Variants in ZDHHC20 observed in about 807,000 individuals in gnomAD.
ZDHHC20 encodes zDHHC palmitoyltransferase 20.
Under a neutral mutation model 57.8 loss-of-function variants are expected in ZDHHC20, and 43 were observed. The observed-to-expected ratio is 0.74, with a 90% CI of 0.58 to 0.96. The LOEUF (loss-of-function observed/expected upper bound fraction) is 0.96. ZDHHC20 is among the 40% of genes least tolerant of loss of function. The pLI is 0.00. For missense variants in ZDHHC20, 391 were observed against 441.1 expected, an observed-to-expected ratio of 0.89 and a Z score of 1.02; for synonymous variants, 157 against 153.0, an observed-to-expected ratio of 1.03 and a Z score of -0.19.
chr13:21,455,067 C>A (rs1211507959), intron 1 of ZDHHC20, among the ~76,000 whole-genome samples: 2 of 152,094 alleles, frequency 1.3e-5, no homozygotes, highest in African/African-American at 4.8e-5. Flanking sequence ...ACTACAGGCA[C>A]CCGCCACCAC....
In ZDHHC20 at chr13:21,421,184, A is replaced by G. The variant is rs1418232864; in HGVS notation, c.146-20T>C. The stretch of plus-strand genomic sequence containing the variant: ...TCTTTCCTGGTAAATAAAAACAAAT[A>G]ACAGTTCATTGAATCCAGGTGAAAA... On this transcript the variant is annotated intron_variant, in intron 2 of 12. Coordinates refer to ENST00000400590, the MANE Select transcript of ZDHHC20 (RefSeq NM_001330059.2). 3.1e-6 allele frequency: 5 copies of G among 1,599,578 alleles called. No homozygotes were observed. Among genetic ancestry groups the G allele is most frequent in the Non-Finnish European group, 4.3e-6 (5 of 1,168,710 alleles).
At chr13:21,410,331 C>T (rs1879034003) in intron 4 of ZDHHC20, among the ~76,000 whole-genome samples, 1 of 152,188 alleles carries the variant, frequency 6.6e-6, no homozygotes, top group African/African-American at 2.4e-5. Context: ...AGTCAGGAGG[C>T]ATGGGGGTCA....
intron 3 of ZDHHC20, among the ~76,000 whole-genome samples, chr13:21,418,977 T>A (rs1880333514): frequency 6.6e-6 from 1 of 152,210 alleles, no homozygotes. Flanking sequence ...ACGCCTGGCC[T>A]GCATTCTTAA....
At chr13:21,397,323 T>C (rs1156982460) in intron 7 of ZDHHC20, among the ~76,000 whole-genome samples, 1 of 146,030 alleles carries the variant, frequency 6.8e-6, no homozygotes, top group Non-Finnish European at 1.5e-5. Flanking sequence ...CTAAACTGCA[T>C]CTCAAAAAAA....
chr13:21,382,961 T>G lies in ZDHHC20; in HGVS notation c.903A>C (p.Pro301=), dbSNP rs1219741151. ...TCTGGTTTGTAACAGAAGCTTGTTC[T>G]GGATCCATCCCCACAAGGCGAGTTG... ...SFPTRLVGMD[P]EQASVTNQNE... is the part of the protein sequence containing the mutation. The change falls in exon 10 of 13, where the codon CCA becomes CCC. Residue 301 remains proline (P), a synonymous_variant. Coordinates refer to ENST00000400590, the MANE Select transcript of ZDHHC20 (RefSeq NM_001330059.2). 5.7e-6 allele frequency: 9 copies of G among 1,565,928 alleles called. No individual in the cohort carries two copies. The highest frequency in any genetic ancestry group is 1.9e-5 in the Admixed American group (1 of 52,902).
chr13:21,447,427 C>T lies in ZDHHC20; in HGVS notation c.118+11627G>A, dbSNP rs529606048. On this transcript the variant is annotated intron_variant, in intron 1 of 12. Coordinates refer to ENST00000400590, the MANE Select transcript of ZDHHC20 (RefSeq NM_001330059.2). ...CCTGCCTCAGCCTGCCGAGTGCCTG[C>T]GATTGCAGGCACGCGCCGCCACGCC... Among the ~76,000 whole-genome samples, 174 of 146,960 alleles carry T rather than the reference C, an allele frequency of 1.2e-3. 1 individual carries two copies. The highest frequency in any genetic ancestry group is 4.1e-3 in the African/African-American group (166 of 40,600).
chr13:21,451,139 G>GT (rs1483274937), intron 1 of ZDHHC20, among the ~76,000 whole-genome samples: 1 of 152,066 alleles, frequency 6.6e-6, no homozygotes, highest in African/African-American at 2.4e-5. Context: ...AGGGAAATAG[G>GT]TTTTTTAAAC....
At chr13:21,399,260 G>A (rs9509681) in intron 7 of ZDHHC20, among the ~76,000 whole-genome samples, 25,548 of 151,976 alleles carry the variant, frequency 0.17, 2,746 homozygotes, top group Non-Finnish European at 0.25. Flanking sequence ...CAGGAGAATC[G>A]CTTGAACCCA....
At chr13:21,443,686 A>G (rs1168376945) in intron 1 of ZDHHC20, among the ~76,000 whole-genome samples, 2 of 152,258 alleles carry the variant, frequency 1.3e-5, no homozygotes, top group African/African-American at 4.8e-5. Context: ...AAAGATCAAA[A>G]GATATAGACA....
At chr13:21,411,049 T>C (rs1033824444) in intron 4 of ZDHHC20, among the ~76,000 whole-genome samples, 2 of 152,122 alleles carry the variant, frequency 1.3e-5, no homozygotes, top group African/African-American at 4.8e-5. Flanking sequence ...AAAAGCATAG[T>C]GTCTGGGCCG....
intron 3 of ZDHHC20, among the ~76,000 whole-genome samples, chr13:21,417,862 A>G (rs1273745458): frequency 6.6e-6 from 1 of 152,132 alleles, no homozygotes; most frequent in Admixed American, 6.5e-5. Flanking sequence ...ATTAGCACCA[A>G]CTTCTGAGCT....
chr13:21,404,970 A>C (rs1439249566), intron 4 of ZDHHC20, among the ~76,000 whole-genome samples: 1 of 152,196 alleles, frequency 6.6e-6, no homozygotes, highest in African/African-American at 2.4e-5. Context: ...CCAAATTTGC[A>C]TTAGTTAATA....
At chr13:21,457,583 C>T (rs1475272402) in intron 1 of ZDHHC20, among the ~76,000 whole-genome samples, 1 of 152,070 alleles carries the variant, frequency 6.6e-6, no homozygotes, top group East Asian at 1.9e-4. Flanking sequence ...AAATGTATTC[C>T]ACAACTAATT....
intron 4 of ZDHHC20, among the ~76,000 whole-genome samples, chr13:21,408,688 C>T (rs1183975091): frequency 6.6e-6 from 1 of 152,098 alleles, no homozygotes; most frequent in Non-Finnish European, 1.5e-5. Flanking sequence ...TTGTTTTGTG[C>T]CAGTTTTCAA....
chr13:21,444,142 C>G (rs183516208), intron 1 of ZDHHC20, among the ~76,000 whole-genome samples: 4 of 152,106 alleles, frequency 2.6e-5, no homozygotes, highest in Admixed American at 2.6e-4. Context: ...GGCAACAGAG[C>G]GAGACTCTGT....
At chr13:21,391,490 T>G (rs1663582693) in intron 8 of ZDHHC20, among the ~76,000 whole-genome samples, 1 of 152,182 alleles carries the variant, frequency 6.6e-6, no homozygotes, top group South Asian at 2.1e-4. Flanking sequence ...ATTTTATTAT[T>G]TTTATTTTTT....
intron 11 of ZDHHC20, among the ~76,000 whole-genome samples, chr13:21,381,152 G>A (rs1593169659): frequency 6.6e-6 from 1 of 151,746 alleles, no homozygotes; most frequent in East Asian, 2.0e-4. Context: ...GAATACAGGC[G>A]CCCGCCACCA....
intron 5 of ZDHHC20, among the ~76,000 whole-genome samples, chr13:21,402,592 A>G (rs1429372133): frequency 6.6e-6 from 1 of 152,236 alleles, no homozygotes; most frequent in African/African-American, 2.4e-5. Context: ...ATTAACTGGT[A>G]TAGGAACTGT....
chr13:21,431,532 C>T (rs750322484), intron 1 of ZDHHC20, among the ~76,000 whole-genome samples: 15 of 152,200 alleles, frequency 9.9e-5, no homozygotes, highest in Non-Finnish European at 1.6e-4. Flanking sequence ...ATGTGCTTAA[C>T]TTTACCAGTA....
Sources: gnomAD v4.1 joint callset for allele counts (sites outside exome capture counted in the v4.1 genomes callset) on GRCh38, gnomAD v4.1.1 for gene constraint, MANE v1.5 for transcripts, NCBI Gene and HGNC (gene_info 2026-07-23, HGNC 2026-07-21) for gene names.